ITGAM: variants seen among roughly 807,000 people sequenced by gnomAD.
The protein encoded by ITGAM is integrin alpha-M.
A neutral mutation model predicts 137.5 loss-of-function variants in ITGAM; 79 were observed. The observed-to-expected ratio is 0.57, with a 90% CI of 0.48 to 0.69. ITGAM has a LOEUF of 0.69. ITGAM is among the 30% of genes least tolerant of loss of function. ITGAM has a pLI of 0.00. For missense variants in ITGAM, 1,343 were observed against 1,483.5 expected, an observed-to-expected ratio of 0.91 and a Z score of 1.56; for synonymous variants, 583 against 592.3, an observed-to-expected ratio of 0.98 and a Z score of 0.23.
At chr16:31,297,679 G>A in intron 13 of ITGAM, 25 bp downstream of exon 13, 1 of 1,608,448 alleles carries the variant, frequency 6.2e-7, no homozygotes, top group Non-Finnish European at 8.5e-7. Flanking sequence ...GACCTGGGCT[G>A]GGTGGGGCCC....
intron 14 of ITGAM, among the ~76,000 whole-genome samples, chr16:31,305,870 T>G (rs2080259637): frequency 6.6e-6 from 1 of 152,204 alleles, no homozygotes; most frequent in Non-Finnish European, 1.5e-5. Context: ...TTAGCTAGTA[T>G]TTTGTTAAGG....
rs1348057925 is a variant in ITGAM, at chr16:31,298,201, C to T, written c.1707+247C>T. ...AGGGCAACATGGTGAGAACCCATCT[C>T]TCCAAAAAAAAAAAAAAAAAAAAAA... On this transcript the variant is annotated intron_variant, in intron 14 of 29. Coordinates refer to ENST00000544665, the MANE Select transcript of ITGAM (RefSeq NM_000632.4). 2.8e-5 allele frequency among the ~76,000 whole-genome samples: 3 copies of T among 108,052 alleles called. No individual in the cohort carries two copies. The East Asian group carries it at 6.4e-4, about 23-fold the overall frequency. The allele number at this position is 108,052 out of a possible 152,430, so 70.9% of individuals were successfully genotyped here.
intron 8 of ITGAM, 48 bp downstream of exon 8, chr16:31,273,566 G>A: frequency 6.3e-7 from 1 of 1,583,418 alleles, no homozygotes; most frequent in Non-Finnish European, 8.6e-7. Context: ...GGGTTTCTAT[G>A]TGGATCCATC....
In ITGAM at chr16:31,331,811, G is replaced by A. The variant is rs1347098260; in HGVS notation, c.*104G>A. On this transcript the variant is annotated 3_prime_UTR_variant, in exon 30 of 30. Transcript: ENST00000544665. ...ACACGTCGGACAGCGAAGTATCCCCGACAGGACGGGCTTGGGCTTCCATTT... is the reference window on the plus strand; with the variant it reads ...ACACGTCGGACAGCGAAGTATCCCCAACAGGACGGGCTTGGGCTTCCATTT... 5.8e-6 allele frequency: 5 copies of A among 863,730 alleles called. No homozygotes were observed. In the African/African-American group the frequency reaches 6.9e-5, roughly 12 times the overall value. The allele number at this position is 863,730 out of a possible 1,614,324, so 53.5% of individuals were successfully genotyped here.
intron 22 of ITGAM, 24 bp from the exon 23 acceptor site, chr16:31,328,123 C>G (rs776211032): frequency 1.3e-6 from 2 of 1,587,700 alleles, no homozygotes; most frequent in Non-Finnish European, 1.7e-6. Context: ...CAAGAGCCGG[C>G]TGGAGCTCTT....
intron 23 of ITGAM, 124 bp downstream of exon 23, chr16:31,328,354 A>G (rs1002060497): frequency 9.1e-6 from 7 of 768,412 alleles, no homozygotes; most frequent in Middle Eastern, 3.0e-4. Context: ...CTGTGCATGT[A>G]TGTGTGCATG....
intron 14 of ITGAM, among the ~76,000 whole-genome samples, chr16:31,307,079 G>C (rs542376430): frequency 6.6e-6 from 1 of 152,184 alleles, no homozygotes; most frequent in African/African-American, 2.4e-5. Context: ...GTCAGGTAGC[G>C]TGATGCCTCT....
At chr16:31,262,676 A>G (rs1474152875) in intron 2 of ITGAM, among the ~76,000 whole-genome samples, 1 of 152,034 alleles carries the variant, frequency 6.6e-6, no homozygotes, top group Non-Finnish European at 1.5e-5. Flanking sequence ...ACTTGCTGGG[A>G]TGATAGGTGT....
Position 31,273,924 on chromosome 16 carries a change from C to T in ITGAM, c.858+406C>T, listed in dbSNP as rs563837744. Among the ~76,000 whole-genome samples, 266 of 152,312 alleles carry T rather than the reference C, an allele frequency of 1.7e-3. 12 individuals carry two copies. The South Asian group carries it at 0.028, about 16-fold the overall frequency. On this transcript the variant is annotated intron_variant, in intron 8 of 29. Coordinates refer to ENST00000544665, the MANE Select transcript of ITGAM (RefSeq NM_000632.4). ...CTTTGGCAACCTGGCTCTCATTCTC[C>T]AGGGCTAGCCTGGGCATGTCCTCAT...
chr16:31,328,066 G>C, intron 22 of ITGAM, 81 bp from the exon 23 acceptor site: 1 of 1,059,240 alleles, frequency 9.4e-7, no homozygotes, highest in Non-Finnish European at 1.5e-6. Context: ...GCTGATTGGA[G>C]GCAGGGAGTG....
chr16:31,266,179 G>T lies in ITGAM; in HGVS notation c.427+32G>T, dbSNP rs117586060. The T allele has an allele frequency of 6.8e-6, 10 of 1,461,548 alleles. No homozygotes were observed. The African/African-American group carries it at 8.3e-5, about 12-fold the overall frequency. The allele number at this position is 1,461,548 out of a possible 1,614,324, so 90.5% of individuals were successfully genotyped here. On this transcript the variant is annotated intron_variant, in intron 5 of 29. Coordinates refer to ENST00000544665, the MANE Select transcript of ITGAM (RefSeq NM_000632.4). ...TGCCTTTGGCAGAGGGAACAGATGC[G>T]CAGCAAAAGACCAGGGGAGGGGGCA...
chr16:31,276,414 C>T (rs916811286), intron 9 of ITGAM, among the ~76,000 whole-genome samples: 1 of 152,140 alleles, frequency 6.6e-6, no homozygotes, highest in Admixed American at 6.5e-5. Flanking sequence ...TCACTGCAAC[C>T]TCTGCCTCCC....
intron 1 of ITGAM, among the ~76,000 whole-genome samples, chr16:31,260,636 A>C (rs1435902608): frequency 6.6e-6 from 1 of 152,232 alleles, no homozygotes; most frequent in African/African-American, 2.4e-5. Context: ...AATGTATAGA[A>C]ACTTCACTGT....
intron 14 of ITGAM, among the ~76,000 whole-genome samples, chr16:31,321,013 T>G (rs1360678259): frequency 6.6e-6 from 1 of 152,142 alleles, no homozygotes; most frequent in East Asian, 1.9e-4. Flanking sequence ...GTTTTTATTT[T>G]AAAAGTTTTT....
intron 8 of ITGAM, among the ~76,000 whole-genome samples, chr16:31,274,209 C>A (rs1257937058): frequency 5.3e-5 from 8 of 152,140 alleles, no homozygotes; most frequent in Admixed American, 4.6e-4. Flanking sequence ...TCAAGCCACC[C>A]ACAAGTCAGT....
At chr16:31,292,325 T>A (rs1001714992) in intron 12 of ITGAM, among the ~76,000 whole-genome samples, 1 of 152,194 alleles carries the variant, frequency 6.6e-6, no homozygotes, top group Non-Finnish European at 1.5e-5. Context: ...AGTAAACTCA[T>A]GTCATGGGAG....
intron 14 of ITGAM, among the ~76,000 whole-genome samples, chr16:31,315,860 T>A (rs2080386051): frequency 1.3e-5 from 2 of 152,120 alleles, no homozygotes; most frequent in African/African-American, 4.8e-5. Context: ...AAAAAGACTG[T>A]CCTTTCCCCA....
In ITGAM at chr16:31,330,095, G is replaced by A. The variant is rs184422952; in HGVS notation, c.2991G>A (p.Thr997=). The A allele has an allele frequency of 1.2e-4, 193 of 1,613,694 alleles. 1 individual carries two copies. The highest frequency in any genetic ancestry group is 1.6e-4 in the Non-Finnish European group (188 of 1,179,770). The change falls in exon 26 of 30, where the codon ACG becomes ACA. Residue 997 remains threonine, a synonymous_variant. Coordinates refer to ENST00000544665, the MANE Select transcript of ITGAM (RefSeq NM_000632.4). ...QVTFSENLSS[T]CHTKERLPSH... is the part of the protein sequence containing the mutation. ...TCTTTCCTCAGAACCTCTCGAGTAC[G>A]TGCCACACCAAGGAGCGCTTGCCCT...
rs1334355859 is a variant in ITGAM, at chr16:31,271,919, C to G, written c.631C>G (p.Pro211Ala). The change falls in exon 7 of 30, where the codon CCA becomes GCA. Residue 211 changes from proline to alanine, a missense_variant. By Grantham distance (27) the Pro-to-Ala change is conservative (BLOSUM62 -1). Transcript: ENST00000544665. ...TFKEFQNNPNPRSLVKPITQL... is the reference protein window; with the variant it reads ...TFKEFQNNPNARSLVKPITQL... ...CAAAGAGTTCCAGAACAACCCTAACCCAAGATCACTGGTGAAGCCAATAAC... is the reference window on the plus strand; with the variant it reads ...CAAAGAGTTCCAGAACAACCCTAACGCAAGATCACTGGTGAAGCCAATAAC... The G allele has an allele frequency of 6.2e-7, 1 of 1,613,918 alleles. No homozygotes were observed. The highest frequency in any genetic ancestry group is 8.5e-7 in the Non-Finnish European group (1 of 1,179,912).
Sources: allele counts gnomAD v4.1 joint callset (sites outside exome capture counted in the v4.1 genomes callset), GRCh38; gene constraint gnomAD v4.1.1; transcripts MANE v1.5; gene names NCBI Gene and HGNC (gene_info 2026-07-23, HGNC 2026-07-21).